Variants in ZNF385D observed in about 807,000 individuals in gnomAD.
ZNF385D encodes the protein zinc finger protein 385D.
A neutral mutation model predicts 35.8 loss-of-function variants in ZNF385D; 15 were observed. The observed-to-expected ratio is 0.42, with a 90% CI of 0.28 to 0.64. The LOEUF is 0.64. Among genes scored for constraint, ZNF385D ranks in the 30% least tolerant of loss-of-function variants. ZNF385D has a pLI of 0.23. For missense variants in ZNF385D, 474 were observed against 494.6 expected (o/e 0.96, Z 0.39); for synonymous variants, 212 against 186.8 (o/e 1.13, Z -1.10).
intron 3 of ZNF385D, among the ~76,000 whole-genome samples, chr3:21,540,393 T>C (rs1004959329): frequency 1.3e-5 from 2 of 152,176 alleles, no homozygotes; most frequent in African/African-American, 4.8e-5. Context: ...CGGGGGATGA[T>C]TTGTACTGGC....
intron 2 of ZNF385D, among the ~76,000 whole-genome samples, chr3:22,361,244 C>G (rs73041334): frequency 0.036 from 5,521 of 152,076 alleles, 151 homozygotes; most frequent in East Asian, 0.1. Flanking sequence ...AAGCCAACAA[C>G]TGGGAAAGGA....
At chr3:22,104,179 C>A (rs1559371580) in intron 3 of ZNF385D, among the ~76,000 whole-genome samples, 1 of 152,006 alleles carries the variant, frequency 6.6e-6, no homozygotes, top group East Asian at 1.9e-4. Flanking sequence ...CCTGCAGTTG[C>A]CATTACCTCC....
chr3:21,880,099 T>G (rs951705935), intron 3 of ZNF385D, among the ~76,000 whole-genome samples: 3 of 151,942 alleles, frequency 2.0e-5, no homozygotes, highest in South Asian at 4.1e-4. Flanking sequence ...TCAAATGACA[T>G]TATGGTTTCC....
chr3:21,616,134 A>G (rs2064839933), intron 2 of ZNF385D, among the ~76,000 whole-genome samples: 1 of 152,204 alleles, frequency 6.6e-6, no homozygotes, highest in Non-Finnish European at 1.5e-5. Flanking sequence ...AAAAGAATGA[A>G]CAAAATAAAA....
At chr3:21,925,797 C>T (rs940680442) in intron 3 of ZNF385D, among the ~76,000 whole-genome samples, 9 of 151,940 alleles carry the variant, frequency 5.9e-5, no homozygotes, top group Admixed American at 2.0e-4. Flanking sequence ...AAAACCCAAG[C>T]AATCCAATTA....
chr3:21,748,472 G>A (rs1447687297), intron 1 of ZNF385D, among the ~76,000 whole-genome samples: 1 of 152,094 alleles, frequency 6.6e-6, no homozygotes, highest in African/African-American at 2.4e-5. Flanking sequence ...TATAAAGGAA[G>A]TAAATATCCC....
At chr3:21,849,102 A>G (rs1696205476) in intron 3 of ZNF385D, among the ~76,000 whole-genome samples, 2 of 152,064 alleles carry the variant, frequency 1.3e-5, no homozygotes, top group Admixed American at 6.6e-5. Flanking sequence ...GTTGCCTATA[A>G]TATTGGTACT....
chr3:22,229,690 A>T (rs1323424892), intron 2 of ZNF385D, among the ~76,000 whole-genome samples: 1 of 152,042 alleles, frequency 6.6e-6, no homozygotes, highest in Non-Finnish European at 1.5e-5. Context: ...AGTTCTCAGG[A>T]CCCTGGCCTG....
At chr3:21,804,102 A>C (rs1223042760) in intron 3 of ZNF385D, among the ~76,000 whole-genome samples, 4 of 152,238 alleles carry the variant, frequency 2.6e-5, no homozygotes, top group African/African-American at 4.8e-5. Context: ...CAGTGCTGCC[A>C]CAAGGAAAAA....
chr3:22,074,747 G>A (rs1191440854), intron 3 of ZNF385D, among the ~76,000 whole-genome samples: 3 of 151,866 alleles, frequency 2.0e-5, no homozygotes, highest in African/African-American at 7.2e-5. Flanking sequence ...TCCCGACACT[G>A]TTCAATCTTA....
intron 4 of ZNF385D, among the ~76,000 whole-genome samples, chr3:21,467,412 T>G (rs2125330459): frequency 6.6e-6 from 1 of 152,318 alleles, no homozygotes; most frequent in South Asian, 2.1e-4. Context: ...CTCTAAGACA[T>G]TATTACTGAT....
At position 21,479,984 on chromosome 3, in the gene ZNF385D, G is replaced by T. The variant is rs540252542; in HGVS notation, c.439+30877C>A. Among the ~76,000 whole-genome samples the T allele has an allele frequency of 1.0e-3, 154 of 152,046 alleles. 1 individual carries two copies. The highest frequency in any genetic ancestry group is 3.5e-3 in the African/African-American group (147 of 41,494). On this transcript the variant is annotated intron_variant, in intron 4 of 7. Transcript: ENST00000281523. ...CAGCCATCAGAGATTAGAACTATCT[G>T]CTTTTTAAATACACTTTACATTAGT...
At chr3:22,016,378 T>C (rs1311071346) in intron 3 of ZNF385D, among the ~76,000 whole-genome samples, 1 of 152,130 alleles carries the variant, frequency 6.6e-6, no homozygotes, top group Admixed American at 6.5e-5. Context: ...ACCCAGATGC[T>C]ATACTTAGCA....
At chr3:22,039,889 G>T (rs1160674117) in intron 3 of ZNF385D, among the ~76,000 whole-genome samples, 1 of 152,024 alleles carries the variant, frequency 6.6e-6, no homozygotes, top group African/African-American at 2.4e-5. Context: ...TACATTGACT[G>T]CTAGACTGCT....
At position 22,319,724 on chromosome 3, in the gene ZNF385D, A is replaced by T. The variant is rs116154590; in HGVS notation, c.106+52726T>A. On this transcript the variant is annotated intron_variant, in intron 2 of 5. Coordinates refer to the ZNF385D transcript ENST00000494108. ...TGATATACTACAAAAATATTGGTAA[A>T]ATTCTCTACTTCAGAAAAACACTGG... Among the ~76,000 whole-genome samples, 1,339 of 152,256 alleles carry T rather than the reference A, an allele frequency of 8.8e-3. 16 individuals carry two copies. Among genetic ancestry groups the T allele is most frequent in the African/African-American group, 0.03 (1,244 of 41,562 alleles).
chr3:22,314,006 C>T (rs924108316), intron 2 of ZNF385D, among the ~76,000 whole-genome samples: 1 of 152,112 alleles, frequency 6.6e-6, no homozygotes, highest in Non-Finnish European at 1.5e-5. Flanking sequence ...GATTCCAGTC[C>T]TTCTGGAAAT....
At chr3:21,594,809 A>C (rs2064084210) in intron 2 of ZNF385D, among the ~76,000 whole-genome samples, 3 of 152,152 alleles carry the variant, frequency 2.0e-5, no homozygotes, top group Admixed American at 2.0e-4. Flanking sequence ...TGACCCATAA[A>C]CCCATGACCT....
intron 3 of ZNF385D, among the ~76,000 whole-genome samples, chr3:21,769,706 T>C (rs1207772651): frequency 9.1e-6 from 1 of 109,622 alleles, no homozygotes; most frequent in African/African-American, 4.0e-5. Context: ...AAGCTCCCAA[T>C]GACTTTCTTC....
chr3:22,289,550 G>C (rs1256222369), intron 2 of ZNF385D, among the ~76,000 whole-genome samples: 1 of 152,152 alleles, frequency 6.6e-6, no homozygotes, highest in Non-Finnish European at 1.5e-5. Flanking sequence ...AACTGGGCAT[G>C]CAAGCCTCTT....
Sources: allele counts gnomAD v4.1 joint callset (sites outside exome capture counted in the v4.1 genomes callset), GRCh38; gene constraint gnomAD v4.1.1; transcripts MANE v1.5; gene names NCBI Gene and HGNC (gene_info 2026-07-23, HGNC 2026-07-21).